MROH1: variants seen among roughly 807,000 people sequenced by gnomAD.
MROH1 encodes maestro heat like repeat family member 1.
Under a neutral mutation model 116.5 loss-of-function variants are expected in MROH1, and 117 were observed. The observed-to-expected ratio is 1.00, with a 90% CI of 0.86 to 1.17. MROH1 has a LOEUF of 1.17. Among genes scored for constraint, MROH1 ranks in the 50% most tolerant of loss-of-function variants. The probability of loss-of-function intolerance (pLI) is 0.00; values close to 1 mark genes in which losing one functional copy is unlikely to be tolerated. For synonymous variants in MROH1, 921 were observed against 583.9 expected, an observed-to-expected ratio of 1.58 and a Z score of -8.32; for missense variants, 1,873 against 1,338.5, an observed-to-expected ratio of 1.40 and a Z score of -6.23.
chr8:144,175,229 C>T (rs1357062937), intron 4 of MROH1: 21 of 904,726 alleles, frequency 2.3e-5, no homozygotes, highest in Non-Finnish European at 2.8e-5. Context: ...CCCAAGCTGC[C>T]CCTCCCAGCA....
In MROH1 at chr8:144,159,962, G is replaced by T. The variant is rs532792218; in HGVS notation, c.-176-1008G>T. Among the ~76,000 whole-genome samples, 25 of 152,090 alleles carry T rather than the reference G, an allele frequency of 1.6e-4. No individual in the cohort carries two copies. The East Asian group carries it at 4.3e-3, about 26-fold the overall frequency. On this transcript the variant is annotated intron_variant, in intron 1 of 43. Transcript: ENST00000326134. ...TTATTGTATTTTTTAGTAGAGACAG[G>T]GTTTCACCGTGTTAGCCAGGATGGT...
intron 39 of MROH1, 114 bp downstream of exon 39, chr8:144,260,488 C>T (rs1280092038): frequency 1.9e-5 from 13 of 698,664 alleles, no homozygotes; most frequent in African/African-American, 7.0e-5. Context: ...GCTAGGTGAC[C>T]GTGGAGAGCG....
chr8:144,217,848 T>C (rs1351609244), intron 12 of MROH1, among the ~76,000 whole-genome samples: 2 of 152,204 alleles, frequency 1.3e-5, no homozygotes, highest in East Asian at 3.8e-4. Flanking sequence ...AGTAGGGCAT[T>C]GTCAGGATCC....
intron 7 of MROH1, among the ~76,000 whole-genome samples, chr8:144,186,018 T>C (rs1165634340): frequency 6.6e-6 from 1 of 151,714 alleles, no homozygotes; most frequent in African/African-American, 2.4e-5. Context: ...TCCAGGAGAG[T>C]GCCACTTCCC....
At chr8:144,241,832 C>T (rs1378079905) in intron 22 of MROH1, among the ~76,000 whole-genome samples, 1 of 152,234 alleles carries the variant, frequency 6.6e-6, no homozygotes, top group Admixed American at 6.5e-5. Flanking sequence ...CTTGCCAAAC[C>T]ACCAGCTGTG....
At chr8:144,162,504 T>C (rs948172255) in intron 2 of MROH1, among the ~76,000 whole-genome samples, 5 of 151,580 alleles carry the variant, frequency 3.3e-5, no homozygotes, top group Admixed American at 6.6e-5. Context: ...CAAGCAATTC[T>C]CCCACCTCAG....
intron 4 of MROH1, among the ~76,000 whole-genome samples, chr8:144,178,613 A>T (rs1266093144): frequency 6.6e-6 from 1 of 152,204 alleles, no homozygotes; most frequent in Non-Finnish European, 1.5e-5. Context: ...AGAATGGACG[A>T]CAGAGCCTGT....
chr8:144,257,839 G>T (rs1844188316), intron 35 of MROH1, among the ~76,000 whole-genome samples: 1 of 152,254 alleles, frequency 6.6e-6, no homozygotes, highest in Non-Finnish European at 1.5e-5. Context: ...TGAGGACGAA[G>T]CCTTGTGGGG....
intron 14 of MROH1, among the ~76,000 whole-genome samples, chr8:144,236,926 G>A: frequency 1.7e-5 from 1 of 59,330 alleles, no homozygotes; most frequent in African/African-American, 7.6e-5. Context: ...TTTTTTTTGA[G>A]ATGGAGTCTC....
intron 12 of MROH1, among the ~76,000 whole-genome samples, chr8:144,217,272 AACAGTTCAGTGT>A (rs1835479933): frequency 6.6e-6 from 1 of 152,238 alleles, no homozygotes; most frequent in Non-Finnish European, 1.5e-5. Flanking sequence ...TGTGCTTTCT[AACAGTTCAGTGT>A]ACACAAACTT....
chr8:144,260,411 C>A, intron 39 of MROH1, 37 bp downstream of exon 39: 1 of 703,410 alleles, frequency 1.4e-6, no homozygotes. Context: ...AAGAGGGCCC[C>A]AGCCCTTCCT....
chr8:144,253,483 TG>T (rs1160773253), intron 33 of MROH1, among the ~76,000 whole-genome samples: 1 of 152,166 alleles, frequency 6.6e-6, no homozygotes, highest in Non-Finnish European at 1.5e-5. Context: ...TTGGCTTGGC[TG>T]TTGTATGCAG....
chr8:144,260,505 T>C (rs1253330876), intron 39 of MROH1, 131 bp downstream of exon 39: 1 of 710,548 alleles, frequency 1.4e-6, no homozygotes, highest in Non-Finnish European at 2.6e-6. Flanking sequence ...AGCGCGGACC[T>C]GCAGGGCTGC....
chr8:144,213,109 G>A (rs776193934), intron 12 of MROH1: 34 of 774,298 alleles, frequency 4.4e-5, no homozygotes, highest in African/African-American at 1.0e-4. Flanking sequence ...CCGCGCCCGC[G>A]TCTGTTGCTT....
intron 4 of MROH1, 33 bp from the exon 5 acceptor site, chr8:144,179,422 C>T: frequency 6.2e-7 from 1 of 1,608,288 alleles, no homozygotes; most frequent in Non-Finnish European, 8.5e-7. Flanking sequence ...GTGGGGCTCA[C>T]CTGGGACCGA....
chr8:144,197,417 CTTTTTTTTTTTTTTTTTTTTTTTTT>C (rs79749774), intron 10 of MROH1, among the ~76,000 whole-genome samples: 9 of 42,500 alleles, frequency 2.1e-4, no homozygotes, highest in African/African-American at 7.8e-4. Context: ...GCTGCAGCAT[CTTTTTTTTTTTTTTTTTTTTTTTTT>C]TTTTTTTTTT....
chr8:144,151,271 A>C (rs1192299218), intron 1 of MROH1, among the ~76,000 whole-genome samples: 3 of 151,150 alleles, frequency 2.0e-5, no homozygotes, highest in Admixed American at 6.6e-5. Flanking sequence ...AAAAAAAAAA[A>C]AAACCTCCAA....
At position 144,260,751 on chromosome 8, in the gene MROH1, G is replaced by A; in HGVS notation, c.4455G>A (p.Glu1485=). The part of the protein sequence containing the change: ...HLNKVCHGDC[E]DVFLDQVVGG... The stretch of plus-strand genomic sequence containing the variant: ...ACAAGGTCTGCCACGGAGACTGTGA[G>A]GACGTCTTCCTGGACCAGGTGGTGG... Residue 1485 remains glutamate (E), a synonymous_variant, in exon 40 of 44, where the codon GAG becomes GAA. Transcript: ENST00000326134. The A allele has an allele frequency of 2.6e-6, 2 of 779,380 alleles. No homozygotes were observed. The highest frequency in any genetic ancestry group is 2.7e-5 in the South Asian group (2 of 74,618). The allele number at this position is 779,380 out of a possible 1,614,324, so 48.3% of individuals were successfully genotyped here. A position where few individuals can be genotyped will look rare whatever the true frequency, so the allele number is the denominator to read the frequency against.
At chr8:144,168,464 T>C (rs1821542118) in intron 4 of MROH1, 24 bp downstream of exon 4, 4 of 1,585,048 alleles carry the variant, frequency 2.5e-6, no homozygotes, top group Non-Finnish European at 3.4e-6. Flanking sequence ...TTGGTGGGGA[T>C]GATGTTGTCA....
Sources: gnomAD v4.1 joint callset for allele counts (sites outside exome capture counted in the v4.1 genomes callset) on GRCh38, gnomAD v4.1.1 for gene constraint, MANE v1.5 for transcripts, NCBI Gene and HGNC (gene_info 2026-07-23, HGNC 2026-07-21) for gene names.